Variants in LEPROTL1 observed in about 807,000 individuals in gnomAD.
LEPROTL1 encodes leptin receptor overlapping transcript like 1, also known as leptin receptor overlapping transcript-like 1.
Under a neutral mutation model 15.4 loss-of-function variants are expected in LEPROTL1, and 6 were observed. The ratio of observed to expected loss-of-function variants is 0.39; its 90% CI spans 0.21 to 0.77. LEPROTL1 has a LOEUF of 0.77. LEPROTL1 is among the 30% of genes least tolerant of loss of function. The probability of loss-of-function intolerance (pLI) is 0.41; values close to 1 mark genes in which losing one functional copy is unlikely to be tolerated. For missense variants in LEPROTL1, 128 were observed against 158.1 expected (o/e 0.81, Z 1.02); for synonymous variants, 56 against 52.6 (o/e 1.06, Z -0.28).
chr8:30,100,293 T>C (rs937029469), intron 1 of LEPROTL1, among the ~76,000 whole-genome samples: 2 of 152,240 alleles, frequency 1.3e-5, no homozygotes, highest in Non-Finnish European at 2.9e-5. Context: ...TGTTAGCCTT[T>C]GTTTTGGTAA....
rs773439942 is a variant in LEPROTL1 at position 30,105,906 on chromosome 8, G to GT, written c.*46dup. ...TTGTCAAATGGACTTCCTGTCATTT[G>GT]TTGGCCATTCACGCACACAGGAGAT... On this transcript the variant is annotated 3_prime_UTR_variant, in exon 4 of 4. Coordinates refer to ENST00000321250, the MANE Select transcript of LEPROTL1 (RefSeq NM_015344.3). The GT allele has an allele frequency of 2.6e-5, 37 of 1,448,980 alleles. No individual in the cohort carries two copies. In the East Asian group the frequency reaches 8.7e-4, roughly 34 times the overall value. 89.8% of individuals were successfully genotyped at this position (1,448,980 alleles called of 1,614,324 possible).
rs141256634 is a variant in LEPROTL1, at chr8:30,108,130, A to T, written c.*2268A>T. On this transcript the variant is annotated 3_prime_UTR_variant, in exon 4 of 4. Coordinates refer to ENST00000321250, the MANE Select transcript of LEPROTL1 (RefSeq NM_015344.3). ...CACACTTTCATTCTGAAGTGCATTA[A>T]CATTCTAATAAGGTGATGTAAAGCA... 181 of 443,274 alleles carry T rather than the reference A, an allele frequency of 4.1e-4. 1 individual carries two copies. Among genetic ancestry groups the T allele is most frequent in the Admixed American group, 1.5e-3 (24 of 15,630 alleles). 27.5% of individuals were successfully genotyped at this position (443,274 alleles called of 1,614,324 possible). A position where few individuals can be genotyped will look rare whatever the true frequency, so the allele number is the denominator to read the frequency against.
In LEPROTL1 at chr8:30,095,509, C is replaced by G. The variant is rs1236659543; in HGVS notation, c.-4C>G. ...GTCGTGGAGCCAGGAGCGACGTCAC[C>G]GCCATGGCAGGCATCAAAGGTGGGC... On this transcript the variant is annotated 5_prime_UTR_variant, in exon 1 of 4. Coordinates refer to ENST00000321250, the MANE Select transcript of LEPROTL1 (RefSeq NM_015344.3). 1 of 1,458,814 alleles carries G rather than the reference C, an allele frequency of 6.9e-7. No individual in the cohort carries two copies. Among genetic ancestry groups the G allele is most frequent in the Non-Finnish European group, 9.0e-7 (1 of 1,109,566 alleles). The allele number at this position is 1,458,814 out of a possible 1,614,324, so 90.4% of individuals were successfully genotyped here.
chr8:30,102,593 G>A (rs985198980), intron 2 of LEPROTL1, among the ~76,000 whole-genome samples: 11 of 151,626 alleles, frequency 7.3e-5, no homozygotes, highest in East Asian at 3.9e-4. Context: ...TGGAGGTTGC[G>A]GTGAGCCAAG....
rs773875112 is a variant in LEPROTL1, at chr8:30,104,441, C to T, written c.234C>T (p.Val78=). The T allele has an allele frequency of 1.9e-6, 3 of 1,611,968 alleles. No homozygotes were observed. Among genetic ancestry groups the T allele is most frequent in the African/African-American group, 1.3e-5 (1 of 74,946 alleles). ...ELAIFLTTGI[V]VSAFGLPIVF... Reference sequence around the variant, plus strand: ...CCATCTTTCTTACAACGGGCATTGTCGTGTCAGCTTTTGGACTCCCTATTG... The same window carrying T: ...CCATCTTTCTTACAACGGGCATTGTTGTGTCAGCTTTTGGACTCCCTATTG... Residue 78 remains valine (V), a synonymous_variant, in exon 3 of 4, where the codon GTC becomes GTT. Transcript: ENST00000321250.
In LEPROTL1 at chr8:30,129,074, G is replaced by T. The variant is rs75738896; in HGVS notation, c.280-3301G>T. 7.1e-3 allele frequency among the ~76,000 whole-genome samples: 1,082 copies of T among 152,150 alleles called. 12 individuals carry two copies. Among genetic ancestry groups the T allele is most frequent in the African/African-American group, 0.025 (1,024 of 41,518 alleles). ...CTACAAGTTTTGGGTTTGTGTGTGT[G>T]TTTTTTAATAGAGATGGCATCTCCC... is the stretch of plus-strand genomic sequence containing the variant. On this transcript the variant is annotated intron_variant, in intron 3 of 4. Coordinates refer to the LEPROTL1 transcript ENST00000442880.
intron 3 of LEPROTL1, among the ~76,000 whole-genome samples, chr8:30,119,620 T>C (rs1453854436): frequency 6.6e-6 from 1 of 152,216 alleles, no homozygotes; most frequent in African/African-American, 2.4e-5. Context: ...TAATTACATC[T>C]TTAAAGCCCT....
intron 3 of LEPROTL1, among the ~76,000 whole-genome samples, chr8:30,113,829 A>G (rs186343782): frequency 6.6e-6 from 1 of 152,256 alleles, no homozygotes; most frequent in Admixed American, 6.5e-5. Flanking sequence ...AAAGAGGATC[A>G]CCCAACAGTG....
In LEPROTL1 at chr8:30,106,296, A is replaced by T; in HGVS notation, c.*434A>T. ...TTATTTAGCCTCCATTATTACAAAAAATTATAAAAATAAGTTTTCAGTCAG... is the reference window on the plus strand; with the variant it reads ...TTATTTAGCCTCCATTATTACAAAATATTATAAAAATAAGTTTTCAGTCAG... On this transcript the variant is annotated 3_prime_UTR_variant, in exon 4 of 4. Transcript: ENST00000321250. The T allele has an allele frequency of 1.0e-6, 1 of 986,156 alleles. No individual in the cohort carries two copies. The highest frequency in any genetic ancestry group is 1.2e-6 in the Non-Finnish European group (1 of 829,912). 61.1% of individuals were successfully genotyped at this position (986,156 alleles called of 1,614,324 possible).
Position 30,095,474 on chromosome 8 carries a change from G to T in LEPROTL1, c.-39G>T. Reference sequence around the variant, plus strand: ...TCTCCCGGCTGCCGCTGCTGCCGCCGCCGCCTCGGGTCGTGGAGCCAGGAG... The same window carrying T: ...TCTCCCGGCTGCCGCTGCTGCCGCCTCCGCCTCGGGTCGTGGAGCCAGGAG... On this transcript the variant is annotated 5_prime_UTR_variant, in exon 1 of 4. Coordinates refer to ENST00000321250, the MANE Select transcript of LEPROTL1 (RefSeq NM_015344.3). 6.8e-7 allele frequency: 1 copy of T among 1,464,746 alleles called. No individual in the cohort carries two copies. The allele number at this position is 1,464,746 out of a possible 1,614,324, so 90.7% of individuals were successfully genotyped here. A position where few individuals can be genotyped will look rare whatever the true frequency, so the allele number is the denominator to read the frequency against.
chr8:30,105,681 G>A, intron 3 of LEPROTL1, 65 bp from the exon 4 acceptor site: 1 of 1,356,130 alleles, frequency 7.4e-7, no homozygotes, highest in African/African-American at 1.5e-5. Flanking sequence ...CTAGAGCCTT[G>A]ATTTTTTTTT....
chr8:30,095,880 G>C (rs1322287677), intron 1 of LEPROTL1: 2 of 700,944 alleles, frequency 2.9e-6, no homozygotes, highest in East Asian at 5.4e-5. Flanking sequence ...GTTTGCATCC[G>C]AGAGAGAGGC....
At chr8:30,120,010 A>G (rs1004724805) in intron 3 of LEPROTL1, among the ~76,000 whole-genome samples, 8 of 152,206 alleles carry the variant, frequency 5.3e-5, no homozygotes, top group Non-Finnish European at 1.2e-4. Flanking sequence ...CAGAGGTTGC[A>G]GTGAGCCGAG....
chr8:30,131,730 C>G (rs1305649225), intron 3 of LEPROTL1: 5 of 500,918 alleles, frequency 1.0e-5, no homozygotes, highest in Non-Finnish European at 1.7e-5. Flanking sequence ...AGGGAAGAAA[C>G]CACATCTTTT....
At chr8:30,128,693 A>T (rs1802943540) in intron 3 of LEPROTL1, among the ~76,000 whole-genome samples, 1 of 151,576 alleles carries the variant, frequency 6.6e-6, no homozygotes, top group Admixed American at 6.6e-5. Flanking sequence ...CAGAGGTTGC[A>T]GTGAGCCGAG....
At position 30,101,930 on chromosome 8, in the gene LEPROTL1, G is replaced by A. The variant is rs556525568; in HGVS notation, c.49G>A (p.Gly17Arg). The change falls in exon 2 of 4, where the codon GGA becomes AGA. Residue 17 changes from glycine (G) to arginine (R), a missense_variant. Coordinates refer to ENST00000321250, the MANE Select transcript of LEPROTL1 (RefSeq NM_015344.3). ...LISLSFGGAI[G>R]LMFLMLGCAL... is the part of the protein sequence containing the mutation. ...TAGTTTGTCCTTTGGAGGAGCAATC[G>A]GACTGATGTTTTTGATGCTTGGATG... 1.2e-6 allele frequency: 2 copies of A among 1,609,546 alleles called. No individual in the cohort carries two copies. The highest frequency in any genetic ancestry group is 1.7e-6 in the Non-Finnish European group (2 of 1,177,398).
intron 3 of LEPROTL1, among the ~76,000 whole-genome samples, chr8:30,128,044 ATGAGT>A (rs1404774985): frequency 6.6e-6 from 1 of 152,104 alleles, no homozygotes; most frequent in African/African-American, 2.4e-5. Flanking sequence ...TGGGAAGTGA[ATGAGT>A]TAAGATCTAA....
intron 3 of LEPROTL1, among the ~76,000 whole-genome samples, chr8:30,114,473 T>C (rs1802704730): frequency 6.6e-6 from 1 of 151,898 alleles, no homozygotes; most frequent in Non-Finnish European, 1.5e-5. Context: ...GTATTTTTAG[T>C]AGAGACAGGG....
In LEPROTL1 at chr8:30,106,768, C is replaced by G. The variant is rs1802575713; in HGVS notation, c.*906C>G. The G allele has an allele frequency of 2.0e-6, 2 of 984,338 alleles. No homozygotes were observed. 61.0% of individuals were successfully genotyped at this position (984,338 alleles called of 1,614,324 possible). A position where few individuals can be genotyped will look rare whatever the true frequency, so the allele number is the denominator to read the frequency against. On this transcript the variant is annotated 3_prime_UTR_variant, in exon 4 of 4. Transcript: ENST00000321250. ...AAAATGGACATACATGGAACCACTA[C>G]TGATGAGGGACAGTTGTATGTTTGC...
Sources: gnomAD v4.1 joint callset for allele counts (sites outside exome capture counted in the v4.1 genomes callset) on GRCh38, gnomAD v4.1.1 for gene constraint, MANE v1.5 for transcripts, NCBI Gene and HGNC (gene_info 2026-07-23, HGNC 2026-07-21) for gene names.